The following UBTD1 variants were observed in gnomAD, a reference collection of about 807,000 sequenced individuals.
UBTD1 encodes the protein ubiquitin domain-containing protein 1.
In UBTD1, 19 loss-of-function variants were observed where a neutral mutation model predicts 21.7. The observed-to-expected ratio is 0.87, with a 90% confidence interval of 0.61 to 1.28. The LOEUF (loss-of-function observed/expected upper bound fraction) is 1.28, where lower values mean the gene tolerates loss of function less well. Ranked by LOEUF, UBTD1 falls within the 50% of genes most tolerant of loss-of-function variation. UBTD1 has a pLI of 0.00. For missense variants in UBTD1, 282 were observed against 315.1 expected, an observed-to-expected ratio of 0.89 and a Z score of 0.80; for synonymous variants, 116 against 135.1, an observed-to-expected ratio of 0.86 and a Z score of 0.98.
chr10:97,567,102 G>A (rs953645954), intron 1 of UBTD1, among the ~76,000 whole-genome samples: 3 of 151,280 alleles, frequency 2.0e-5, no homozygotes, highest in African/African-American at 4.9e-5. Flanking sequence ...ACATGGTTTC[G>A]CTGTGTTGCC....
chr10:97,524,271 G>A (rs1564737457), intron 1 of UBTD1, among the ~76,000 whole-genome samples: 1 of 140,656 alleles, frequency 7.1e-6, no homozygotes, highest in African/African-American at 2.7e-5. Flanking sequence ...ATTTTTGTAT[G>A]TTTTTGTAGG....
intron 1 of UBTD1, among the ~76,000 whole-genome samples, chr10:97,507,066 G>T (rs2135654796): frequency 6.6e-6 from 1 of 152,288 alleles, no homozygotes; most frequent in East Asian, 1.9e-4. Flanking sequence ...GGATCAAAAG[G>T]TAATTCTATT....
chr10:97,515,527 T>C (rs775974547), intron 1 of UBTD1, among the ~76,000 whole-genome samples: 1 of 152,184 alleles, frequency 6.6e-6, no homozygotes, highest in South Asian at 2.1e-4. Flanking sequence ...TGATTTATGA[T>C]AGGGCTTCAT....
chr10:97,523,013 G>C (rs536998692), intron 1 of UBTD1, among the ~76,000 whole-genome samples: 1 of 152,244 alleles, frequency 6.6e-6, no homozygotes, highest in South Asian at 2.1e-4. Context: ...TGCCTACCTG[G>C]AGATCTCCAG....
intron 1 of UBTD1, among the ~76,000 whole-genome samples, chr10:97,509,811 C>G (rs1437562883): frequency 1.3e-5 from 2 of 151,956 alleles, no homozygotes; most frequent in African/African-American, 4.8e-5. Context: ...CCATCACACT[C>G]AGCTAATTTT....
intron 1 of UBTD1, among the ~76,000 whole-genome samples, chr10:97,523,932 T>A (rs2040476742): frequency 1.3e-5 from 2 of 152,192 alleles, no homozygotes; most frequent in South Asian, 4.1e-4. Context: ...TTTTCTGCAG[T>A]TCTGCCTCCG....
chr10:97,569,630 A>G (rs1316105596), intron 2 of UBTD1, among the ~76,000 whole-genome samples: 5 of 152,034 alleles, frequency 3.3e-5, no homozygotes, highest in Non-Finnish European at 7.4e-5. Context: ...AGAGACATTT[A>G]TTTTCCACAG....
chr10:97,547,414 A>G (rs1312342119), intron 1 of UBTD1, among the ~76,000 whole-genome samples: 1 of 152,074 alleles, frequency 6.6e-6, no homozygotes, highest in Non-Finnish European at 1.5e-5. Flanking sequence ...GCCCCAGGAA[A>G]AGTGCTGACC....
chr10:97,537,190 C>T (rs777106997), intron 1 of UBTD1, among the ~76,000 whole-genome samples: 114 of 152,230 alleles, frequency 7.5e-4, no homozygotes, highest in Non-Finnish European at 1.3e-3. Flanking sequence ...ACAGTGGGTA[C>T]GCAGGAATTG....
chr10:97,556,794 G>T (rs1462807341), intron 1 of UBTD1, among the ~76,000 whole-genome samples: 12 of 152,152 alleles, frequency 7.9e-5, no homozygotes, highest in Admixed American at 7.9e-4. Flanking sequence ...ACCTGGCGGG[G>T]GCCGTCCAGT....
intron 1 of UBTD1, among the ~76,000 whole-genome samples, chr10:97,535,335 G>A (rs1164158580): frequency 6.6e-6 from 1 of 152,192 alleles, no homozygotes; most frequent in Non-Finnish European, 1.5e-5. Flanking sequence ...AAATTACTTG[G>A]CCTGGTGTGG....
At chr10:97,539,269 G>A (rs1564740742) in intron 1 of UBTD1, among the ~76,000 whole-genome samples, 1 of 152,184 alleles carries the variant, frequency 6.6e-6, no homozygotes, top group Non-Finnish European at 1.5e-5. Context: ...GCCTCAGATA[G>A]GCTTCTTTCA....
At chr10:97,501,820 G>T (rs2135651193) in intron 1 of UBTD1, among the ~76,000 whole-genome samples, 1 of 152,156 alleles carries the variant, frequency 6.6e-6, no homozygotes, top group Non-Finnish European at 1.5e-5. Context: ...GCCGTGCCTT[G>T]TTTGAAGCAC....
At chr10:97,529,339 G>A (rs912675302) in intron 1 of UBTD1, among the ~76,000 whole-genome samples, 1 of 152,080 alleles carries the variant, frequency 6.6e-6, no homozygotes, top group Admixed American at 6.5e-5. Context: ...AGGCAGAGAC[G>A]CTCCTCACTT....
chr10:97,537,537 T>C (rs1360290415), intron 1 of UBTD1, among the ~76,000 whole-genome samples: 1 of 152,144 alleles, frequency 6.6e-6, no homozygotes, highest in African/African-American at 2.4e-5. Flanking sequence ...GCAAAGCTTG[T>C]ATGCTGCCTC....
At chr10:97,514,011 CTTTCTTTTTTTTT>C (rs924480259) in intron 1 of UBTD1, among the ~76,000 whole-genome samples, 3 of 146,960 alleles carry the variant, frequency 2.0e-5, no homozygotes, top group African/African-American at 7.8e-5. Flanking sequence ...TCTTTTCTTT[CTTTCTTTTTTTTT>C]TTTTAAAGGC....
intron 1 of UBTD1, among the ~76,000 whole-genome samples, chr10:97,537,437 A>T (rs546550845): frequency 6.6e-6 from 1 of 152,214 alleles, no homozygotes; most frequent in Non-Finnish European, 1.5e-5. Flanking sequence ...CTTGGAGGAT[A>T]CATGTGACCT....
At chr10:97,533,226 C>T (rs900145963) in intron 1 of UBTD1, among the ~76,000 whole-genome samples, 4 of 152,244 alleles carry the variant, frequency 2.6e-5, no homozygotes, top group African/African-American at 9.6e-5. Flanking sequence ...CCCTCCCTGA[C>T]CCTTTGGTGA....
intron 1 of UBTD1, among the ~76,000 whole-genome samples, chr10:97,516,112 A>G (rs533109651): frequency 1.3e-5 from 2 of 152,320 alleles, no homozygotes; most frequent in East Asian, 3.9e-4. Context: ...AGCGGGGGCC[A>G]GGGGCTCCCC....
Sources: gnomAD v4.1 joint callset for allele counts (sites outside exome capture counted in the v4.1 genomes callset) on GRCh38, gnomAD v4.1.1 for gene constraint, MANE v1.5 for transcripts, NCBI Gene and HGNC (gene_info 2026-07-23, HGNC 2026-07-21) for gene names.